CHCHD5: variants seen among roughly 807,000 people sequenced by gnomAD.
CHCHD5 encodes the protein coiled-coil-helix-coiled-coil-helix domain containing 5.
Under a neutral mutation model 16.0 loss-of-function variants are expected in CHCHD5, and 10 were observed. The observed-to-expected ratio is 0.63, with a 90% CI of 0.39 to 1.06. The LOEUF (loss-of-function observed/expected upper bound fraction) is 1.06. CHCHD5 is among the 50% of genes least tolerant of loss of function. CHCHD5 has a pLI of 0.01. For synonymous variants in CHCHD5, 55 were observed against 56.3 expected (o/e 0.98, Z 0.10); for missense variants, 163 against 153.4 (o/e 1.06, Z -0.33).
chr2:112,588,758 C>G, intron 3 of CHCHD5, 108 bp from the exon 4 acceptor site: 1 of 854,382 alleles, frequency 1.2e-6, no homozygotes, highest in South Asian at 1.4e-5. Flanking sequence ...ACACCCTTCT[C>G]CCTCCAGACT....
intron 3 of CHCHD5, chr2:112,587,235 C>T (rs945543957): frequency 6.6e-6 from 1 of 152,318 alleles, no homozygotes; most frequent in Admixed American, 6.5e-5. Flanking sequence ...GAAATCTGAC[C>T]ATGTTCTGCT....
intron 3 of CHCHD5, chr2:112,588,500 A>G (rs1239348591): frequency 4.4e-6 from 1 of 225,990 alleles, no homozygotes; most frequent in Non-Finnish European, 8.6e-6. Flanking sequence ...GCTGACAATC[A>G]AAGTGGTACA....
upstream of CHCHD5, chr2:112,584,595 G>A: frequency 1.9e-6 from 3 of 1,611,678 alleles, no homozygotes; most frequent in Admixed American, 1.7e-5. Context: ...AACCGATACC[G>A]GAAAAGGCGG....
intron 3 of CHCHD5, 165 bp downstream of exon 3, chr2:112,586,530 A>G (rs1279106456): frequency 6.5e-7 from 1 of 1,545,946 alleles, no homozygotes; most frequent in Non-Finnish European, 8.7e-7. Flanking sequence ...CTTGCCCCAT[A>G]TAGCCCCTGC....
chr2:112,584,757 C>A, intron 1 of CHCHD5, 108 bp downstream of exon 1: 1 of 1,327,650 alleles, frequency 7.5e-7, no homozygotes, highest in Non-Finnish European at 1.1e-6. Context: ...CTCCCTCCTT[C>A]TTGGAGATCT....
At position 112,584,807 on chromosome 2, in the gene CHCHD5, C is replaced by T. The variant is rs1385691891; in HGVS notation, c.2+158C>T. ...AGCGCCTTCGCTCACGAGCTCCAAC[C>T]CTCCGCATGCCCAAGCCCCGCCCTC... On this transcript the variant is annotated intron_variant, in intron 1 of 3. Coordinates refer to ENST00000324913, the MANE Select transcript of CHCHD5 (RefSeq NM_032309.4). 26 of 813,890 alleles carry T rather than the reference C, an allele frequency of 3.2e-5. 1 individual carries two copies. Among genetic ancestry groups the T allele is most frequent in the Non-Finnish European group, 5.0e-5 (25 of 501,106 alleles). 50.4% of individuals were successfully genotyped at this position (813,890 alleles called of 1,614,324 possible).
At position 112,588,908 on chromosome 2, in the gene CHCHD5, GA is replaced by G; in HGVS notation, c.*23del. ...CTCCTGAGGACTCCTCTGACGGCAGGAAAACTGGACATGAATGACTGCCCCC... is the reference window on the plus strand; with the variant it reads ...CTCCTGAGGACTCCTCTGACGGCAGGAAACTGGACATGAATGACTGCCCCC... On this transcript the variant is annotated 3_prime_UTR_variant, in exon 4 of 4. Coordinates refer to ENST00000324913, the MANE Select transcript of CHCHD5 (RefSeq NM_032309.4). The G allele has an allele frequency of 6.2e-7, 1 of 1,604,648 alleles. No homozygotes were observed.
chr2:112,584,899 C>T (rs1685160037), intron 1 of CHCHD5: 1 of 570,518 alleles, frequency 1.8e-6, no homozygotes, highest in African/African-American at 1.9e-5. Flanking sequence ...TTCACCCAAT[C>T]TCTGCCCCCA....
At position 112,588,989 on chromosome 2, in the gene CHCHD5, C is replaced by T. The variant is rs534936292; in HGVS notation, c.*100C>T. On this transcript the variant is annotated 3_prime_UTR_variant, in exon 4 of 4. Coordinates refer to ENST00000324913, the MANE Select transcript of CHCHD5 (RefSeq NM_032309.4). ...GAGTCCTGAGCCCTGGACATGGGCCCGGCTTTCCTGGATATCAGGACTTCC... is the reference window on the plus strand; with the variant it reads ...GAGTCCTGAGCCCTGGACATGGGCCTGGCTTTCCTGGATATCAGGACTTCC... 3.1e-5 allele frequency: 26 copies of T among 849,734 alleles called. No individual in the cohort carries two copies. Among genetic ancestry groups the T allele is most frequent in the Admixed American group, 1.0e-4 (5 of 48,380 alleles). 52.6% of individuals were successfully genotyped at this position (849,734 alleles called of 1,614,324 possible).
chr2:112,586,368 A>G lies in CHCHD5; in HGVS notation c.309+3A>G, dbSNP rs1558673168. 1 of 1,614,082 alleles carries G rather than the reference A, an allele frequency of 6.2e-7. No individual in the cohort carries two copies. Among genetic ancestry groups the G allele is most frequent in the Non-Finnish European group, 8.5e-7 (1 of 1,180,026 alleles). Reference sequence around the variant, plus strand: ...CACGCTCACCTGCAACTGTGGAGGTAAGAGGGGCTCACCTCAGTTCATCTC... The same window carrying G: ...CACGCTCACCTGCAACTGTGGAGGTGAGAGGGGCTCACCTCAGTTCATCTC... On this transcript the variant is annotated splice_donor_region_variant and intron_variant, in intron 3 of 3. Transcript: ENST00000324913.
At chr2:112,588,640 A>T (rs1685294415) in intron 3 of CHCHD5, 1 of 541,382 alleles carries the variant, frequency 1.8e-6, no homozygotes. Context: ...CCTGCTGGGT[A>T]CACGGCAGGT....
Position 112,586,338 on chromosome 2 carries a change from G to C in CHCHD5, c.282G>C (p.Gln94His), listed in dbSNP as rs148443714. The C allele has an allele frequency of 1.7e-4, 270 of 1,614,234 alleles. 1 individual carries two copies. In the South Asian group the frequency reaches 1.8e-3, roughly 11 times the overall value. The change falls in exon 3 of 4, where the codon CAG (glutamine) becomes CAC (histidine). Residue 94 changes from glutamine to histidine, a missense_variant. Transcript: ENST00000324913. ...TCCTGCAGTGCGCTGAGCAGGTGCA[G>C]CCGCCACGCTCACCTGCAACTGTGG... Reference protein sequence around the residue: ...RRFLQCAEQVQPPRSPATVEA... With the variant: ...RRFLQCAEQVHPPRSPATVEA...
chr2:112,584,768 G>C, intron 1 of CHCHD5, 119 bp downstream of exon 1: 20 of 1,253,794 alleles, frequency 1.6e-5, no homozygotes, highest in Non-Finnish European at 2.3e-5. Context: ...TTGGAGATCT[G>C]ACCCTCAGGA....
At chr2:112,585,445 C>T (rs1318783324) in intron 1 of CHCHD5, among the ~76,000 whole-genome samples, 1 of 152,194 alleles carries the variant, frequency 6.6e-6, no homozygotes, top group Non-Finnish European at 1.5e-5. Flanking sequence ...ATTAATCAGA[C>T]TTTGTTTTAG....
chr2:112,585,768 C>T (rs1337536487), intron 1 of CHCHD5, among the ~76,000 whole-genome samples: 5 of 152,134 alleles, frequency 3.3e-5, no homozygotes, highest in African/African-American at 1.2e-4. Flanking sequence ...CATGGTGGCT[C>T]ATGCCTGTGG....
At position 112,588,979 on chromosome 2, in the gene CHCHD5, G is replaced by T; in HGVS notation, c.*90G>T. ...TGGCCAGATGGAGTCCTGAGCCCTG[G>T]ACATGGGCCCGGCTTTCCTGGATAT... On this transcript the variant is annotated 3_prime_UTR_variant, in exon 4 of 4. Coordinates refer to ENST00000324913, the MANE Select transcript of CHCHD5 (RefSeq NM_032309.4). 1 of 944,416 alleles carries T rather than the reference G, an allele frequency of 1.1e-6. No homozygotes were observed. The highest frequency in any genetic ancestry group is 1.7e-6 in the Non-Finnish European group (1 of 584,084). 58.5% of individuals were successfully genotyped at this position (944,416 alleles called of 1,614,324 possible).
intron 1 of CHCHD5, chr2:112,584,946 A>G: frequency 1.9e-6 from 1 of 525,346 alleles, no homozygotes; most frequent in Non-Finnish European, 3.4e-6. Context: ...AAATCCTAAG[A>G]CTACAGACTT....
chr2:112,588,417 A>G (rs1198424140), intron 3 of CHCHD5: 1 of 163,152 alleles, frequency 6.1e-6, no homozygotes, highest in African/African-American at 2.4e-5. Flanking sequence ...TGGTCTACAC[A>G]ATAGCGAACA....
In CHCHD5 at chr2:112,584,698, T is replaced by C. The variant is rs1034449428; in HGVS notation, c.2+49T>C. On this transcript the variant is annotated intron_variant, in intron 1 of 3. Transcript: ENST00000324913. Reference sequence around the variant, plus strand: ...CATACGTGCTGCCGCTCCCCTTCTTTTACCCAGTGATCTAGACCTAGTCTA... The same window carrying C: ...CATACGTGCTGCCGCTCCCCTTCTTCTACCCAGTGATCTAGACCTAGTCTA... 4 of 1,611,734 alleles carry C rather than the reference T, an allele frequency of 2.5e-6. No individual in the cohort carries two copies. The African/African-American group carries it at 5.3e-5, about 22-fold the overall frequency.
Sources: allele counts gnomAD v4.1 joint callset (sites outside exome capture counted in the v4.1 genomes callset), GRCh38; gene constraint gnomAD v4.1.1; transcripts MANE v1.5; gene names NCBI Gene and HGNC (gene_info 2026-07-23, HGNC 2026-07-21).